The following SH3BP2 variants were observed in gnomAD, a reference collection of about 807,000 sequenced individuals.
The protein encoded by SH3BP2 is SH3 domain-binding protein 2.
Under a neutral mutation model 56.2 loss-of-function variants are expected in SH3BP2, and 38 were observed. The observed-to-expected ratio is 0.68, with a 90% CI of 0.52 to 0.89. SH3BP2 has a LOEUF of 0.89. SH3BP2 is among the 40% of genes least tolerant of loss of function. SH3BP2 has a pLI of 0.00. For missense variants in SH3BP2, 748 were observed against 762.6 expected, an observed-to-expected ratio of 0.98 and a Z score of 0.23; for synonymous variants, 346 against 316.7, an observed-to-expected ratio of 1.09 and a Z score of -0.98.
rs537423101 is a variant in SH3BP2, at chr4:2,835,236, C to G, written c.*1402C>G. 6.6e-6 allele frequency: 1 copy of G among 152,316 alleles called. No homozygotes were observed. The highest frequency in any genetic ancestry group is 1.5e-5 in the Non-Finnish European group (1 of 68,148). The allele number at this position is 152,316 out of a possible 1,614,324, so 9.4% of individuals were successfully genotyped here. A position where few individuals can be genotyped will look rare whatever the true frequency, so the allele number is the denominator to read the frequency against. ...GAGAAGGTCCTGCAGCCCCCTTCCC[C>G]TGGGTGTGTTCTGGGGACCTGTGGT... On this transcript the variant is annotated 3_prime_UTR_variant, in exon 13 of 13. Transcript: ENST00000503393.
intron 5 of SH3BP2, chr4:2,826,951 G>A (rs1450528592): frequency 1.6e-6 from 1 of 620,808 alleles, no homozygotes; most frequent in Non-Finnish European, 3.0e-6. Flanking sequence ...GTGTGCTTGT[G>A]TGTGCACGTG....
chr4:2,800,968 G>T (rs572472542), intron 1 of SH3BP2, among the ~76,000 whole-genome samples: 1 of 152,280 alleles, frequency 6.6e-6, no homozygotes, highest in East Asian at 1.9e-4. Flanking sequence ...GGCTGCAGCA[G>T]AAAGGCTGTG....
chr4:2,812,210 G>A, intron 1 of SH3BP2: 1 of 1,479,584 alleles, frequency 6.8e-7, no homozygotes, highest in Non-Finnish European at 9.0e-7. Flanking sequence ...AAGGCAGGAA[G>A]TGCCGGCTAC....
intron 2 of SH3BP2, among the ~76,000 whole-genome samples, chr4:2,821,937 A>G (rs1211414518): frequency 6.6e-6 from 1 of 151,842 alleles, no homozygotes; most frequent in African/African-American, 2.4e-5. Context: ...ACTTGATCTC[A>G]GCTCACTGTA....
At chr4:2,826,629 T>A (rs989104896) in intron 5 of SH3BP2, 1 of 340,450 alleles carries the variant, frequency 2.9e-6, no homozygotes, top group Non-Finnish European at 5.7e-6. Flanking sequence ...CATGTCTGCG[T>A]GTTGCTCTGT....
Position 2,801,529 on chromosome 4 carries a change from G to A in SH3BP2, c.-5+8391G>A, listed in dbSNP as rs568729459. On this transcript the variant is annotated intron_variant, in intron 1 of 12. Coordinates refer to ENST00000503393, the MANE Select transcript of SH3BP2 (RefSeq NM_001122681.2). ...CTTCCCCTGTCCGGCCAGAGACCCCGGCCTGGGAGTGGCTGTGGCCTGCTC... is the reference window on the plus strand; with the variant it reads ...CTTCCCCTGTCCGGCCAGAGACCCCAGCCTGGGAGTGGCTGTGGCCTGCTC... Among the ~76,000 whole-genome samples, 10 of 152,274 alleles carry A rather than the reference G, an allele frequency of 6.6e-5. No homozygotes were observed. The East Asian group carries it at 9.7e-4, about 15-fold the overall frequency.
chr4:2,833,119 T>C, intron 12 of SH3BP2, 70 bp downstream of exon 12: 1 of 1,402,456 alleles, frequency 7.1e-7, no homozygotes, highest in East Asian at 2.3e-5. Context: ...AGAATCTCCC[T>C]GATGAGGCAT....
chr4:2,828,886 TCTC>T (rs969681887), intron 7 of SH3BP2, among the ~76,000 whole-genome samples: 23 of 152,200 alleles, frequency 1.5e-4, no homozygotes, highest in Admixed American at 1.4e-3. Flanking sequence ...GGGTCCTCTT[TCTC>T]CTCAGCTCCT....
chr4:2,817,097 G>C (rs1336938449), intron 1 of SH3BP2, among the ~76,000 whole-genome samples: 2 of 152,240 alleles, frequency 1.3e-5, no homozygotes, highest in African/African-American at 2.4e-5. Context: ...GCTCGATTCA[G>C]GTAACTGGAG....
intron 1 of SH3BP2, among the ~76,000 whole-genome samples, chr4:2,799,711 C>T (rs917979483): frequency 3.3e-4 from 50 of 152,208 alleles, no homozygotes; most frequent in African/African-American, 1.2e-3. Flanking sequence ...CCAGAGCCAC[C>T]CTTGCGGCAG....
chr4:2,831,900 C>A lies in SH3BP2; in HGVS notation c.1351-23C>A. The A allele has an allele frequency of 6.2e-7, 1 of 1,611,540 alleles. No individual in the cohort carries two copies. The highest frequency in any genetic ancestry group is 1.1e-5 in the South Asian group (1 of 91,038). ...CGGGTGGATCACTCCGACGTTGGCA[C>A]TGACACCGTCAGCCTCTTGCAGGTG... On this transcript the variant is annotated intron_variant, in intron 9 of 12. Transcript: ENST00000503393. This position sits in a 1 kb window ranked among gnomAD's most constrained non-coding sequence, Gnocchi z 4.1.
intron 1 of SH3BP2, chr4:2,809,963 C>T (rs557085291): frequency 7.8e-6 from 2 of 257,370 alleles, no homozygotes; most frequent in Non-Finnish European, 1.2e-5. Context: ...GAGGCGGCCC[C>T]GGCCATGCCC....
Position 2,829,846 on chromosome 4 carries a change from G to A in SH3BP2, c.940G>A (p.Ala314Thr), listed in dbSNP as rs1724882766. 6.2e-7 allele frequency: 1 copy of A among 1,613,510 alleles called. No individual in the cohort carries two copies. The highest frequency in any genetic ancestry group is 8.5e-7 in the Non-Finnish European group (1 of 1,180,024). The change falls in exon 8 of 13, where the codon GCC becomes ACC. Residue 314 changes from alanine to threonine, a missense_variant. Ala to Thr is a moderately conservative substitution (Grantham distance 58, BLOSUM62 0). Around this residue, in one of 3 missense-constraint regions of SH3BP2, gnomAD observed 635 missense variants for 615.0 expected, o/e 1.03. Transcript: ENST00000503393. The surrounding 1 kb of genome is among the most constrained non-coding windows in gnomAD (Gnocchi z 4.9). ...SPEPWTPGHG[A>T]CSTSSAAIMA... ...GGAGCCCTGGACCCCTGGCCACGGG[G>A]CCTGCTCCACTTCCAGTGCTGCCAT...
rs1343869508 is a variant in SH3BP2, at chr4:2,818,312, C to T, written c.-4-2302C>T. 1.8e-4 allele frequency: 200 copies of T among 1,105,082 alleles called. No homozygotes were observed. The highest frequency in any genetic ancestry group is 5.1e-4 in the Admixed American group (10 of 19,440). The allele number at this position is 1,105,082 out of a possible 1,614,324, so 68.5% of individuals were successfully genotyped here. ...GCGGCGGCGGCCGGGGGACGCGGCC[C>T]GGGGCCGTGCCGGTGCTCGCAGGGG... On this transcript the variant is annotated intron_variant, in intron 1 of 12. Coordinates refer to ENST00000503393, the MANE Select transcript of SH3BP2 (RefSeq NM_001122681.2).
Position 2,840,781 on chromosome 4 carries a change from T to A in SH3BP2, c.*6947T>A, listed in dbSNP as rs923749207. The A allele has an allele frequency of 6.6e-6, 1 of 152,224 alleles. No homozygotes were observed. Among genetic ancestry groups the A allele is most frequent in the Non-Finnish European group, 1.5e-5 (1 of 68,042 alleles). 9.4% of individuals were successfully genotyped at this position (152,224 alleles called of 1,614,324 possible). A position where few individuals can be genotyped will look rare whatever the true frequency, so the allele number is the denominator to read the frequency against. On this transcript the variant is annotated 3_prime_UTR_variant, in exon 13 of 13. Coordinates refer to ENST00000503393, the MANE Select transcript of SH3BP2 (RefSeq NM_001122681.2). The stretch of plus-strand genomic sequence containing the variant: ...ATAGTTTGGGAATTTATTATAGCTA[T>A]CAATCAGTTTTGGGAAAATTGACGT...
In SH3BP2 at chr4:2,829,949, A is replaced by G; in HGVS notation, c.1043A>G (p.Glu348Gly). ...TCCCCCCGAGGACCACCCACATCTGAGCCCCCACCTGTGCCAGCCAACAAG... is the reference window on the plus strand; with the variant it reads ...TCCCCCCGAGGACCACCCACATCTGGGCCCCCACCTGTGCCAGCCAACAAG... ...HLSPRGPPTS[E>G]PPPVPANKPK... Residue 348 changes from glutamate (E) to glycine (G), a missense_variant, in exon 8 of 13, where the codon GAG becomes GGG. Physicochemically the swap from Glu to Gly is moderately conservative, Grantham distance 98. This residue lies in a region of SH3BP2 where 635 missense variants were observed against 615.0 expected (regional missense o/e 1.03). Transcript: ENST00000503393. This position sits in a 1 kb window ranked among gnomAD's most constrained non-coding sequence, Gnocchi z 4.9. 3.1e-6 allele frequency: 5 copies of G among 1,613,246 alleles called. No individual in the cohort carries two copies. The South Asian group carries it at 5.5e-5, about 18-fold the overall frequency.
At chr4:2,804,120 G>A (rs1047003134) in intron 1 of SH3BP2, among the ~76,000 whole-genome samples, 5 of 152,076 alleles carry the variant, frequency 3.3e-5, no homozygotes, top group African/African-American at 1.2e-4. Flanking sequence ...CCCTGGCCTC[G>A]GTTTCCTGCT....
In SH3BP2 at chr4:2,840,864, GTCT is replaced by G. The variant is rs1399210157; in HGVS notation, c.*7035_*7037del. The G allele has an allele frequency of 2.6e-5, 4 of 152,144 alleles. No homozygotes were observed. The East Asian group carries it at 7.7e-4, about 29-fold the overall frequency. 9.4% of individuals were successfully genotyped at this position (152,144 alleles called of 1,614,324 possible). ...ATGGTTTACCTCTCTTTCCATTTGG[GTCT>G]TCTTTAAGGTTTACCAATAGGATTT... On this transcript the variant is annotated 3_prime_UTR_variant, in exon 13 of 13. Coordinates refer to ENST00000503393, the MANE Select transcript of SH3BP2 (RefSeq NM_001122681.2).
At position 2,829,813 on chromosome 4, in the gene SH3BP2, C is replaced by G. The variant is rs146469368; in HGVS notation, c.907C>G (p.Pro303Ala). 3.7e-6 allele frequency: 6 copies of G among 1,613,406 alleles called. No homozygotes were observed. In the African/African-American group the frequency reaches 8.0e-5, roughly 22 times the overall value. Residue 303 changes from proline (P) to alanine (A), a missense_variant, in exon 8 of 13, where the codon CCC becomes GCC. Coordinates refer to ENST00000503393, the MANE Select transcript of SH3BP2 (RefSeq NM_001122681.2). This position sits in a 1 kb window ranked among gnomAD's most constrained non-coding sequence, Gnocchi z 4.9. ...CCCTTGCTTCCGGGAGAGTGCCAGC[C>G]CCAGCCCGGAGCCCTGGACCCCTGG... ...KPPCFRESAS[P>A]SPEPWTPGHG...
Sources: allele counts gnomAD v4.1 joint callset (sites outside exome capture counted in the v4.1 genomes callset), GRCh38; gene constraint gnomAD v4.1.1; regional missense constraint gnomAD v4.1.1; non-coding constraint Gnocchi (gnomAD v3.1); transcripts MANE v1.5; gene names NCBI Gene and HGNC (gene_info 2026-07-23, HGNC 2026-07-21).